The following MAP3K13 variants were observed in gnomAD, a reference collection of about 807,000 sequenced individuals.
MAP3K13 encodes the protein leucine zipper-bearing kinase.
MAP3K13 carries 52 observed loss-of-function variants against 104.0 expected under a neutral mutation model. That is an observed-to-expected ratio of 0.50 (90% CI 0.40 to 0.63). MAP3K13 has a LOEUF of 0.63. MAP3K13 is among the 20% of genes least tolerant of loss of function. The pLI is 0.00. For missense variants in MAP3K13, 914 were observed against 1,218.5 expected (o/e 0.75, Z 3.72); for synonymous variants, 394 against 442.2 (o/e 0.89, Z 1.37).
At chr3:185,389,523 A>T (rs1711908288) in intron 1 of MAP3K13, among the ~76,000 whole-genome samples, 1 of 152,142 alleles carries the variant, frequency 6.6e-6, no homozygotes, top group African/African-American at 2.4e-5. Flanking sequence ...CCATGTAAAA[A>T]AGACTGCCAG....
At chr3:185,465,384 C>T (rs1449043162) in intron 8 of MAP3K13, among the ~76,000 whole-genome samples, 3 of 152,162 alleles carry the variant, frequency 2.0e-5, no homozygotes, top group Non-Finnish European at 2.9e-5. Context: ...GGGTCTGGGC[C>T]GTGGCTAAGT....
chr3:185,341,596 T>G (rs558010119), intron 2 of MAP3K13, among the ~76,000 whole-genome samples: 1 of 152,362 alleles, frequency 6.6e-6, no homozygotes, highest in South Asian at 2.1e-4. Context: ...TTTTAAGGCA[T>G]GTCTAAATTT....
intron 2 of MAP3K13, among the ~76,000 whole-genome samples, chr3:185,329,594 T>C (rs1722170095): frequency 6.6e-6 from 1 of 152,240 alleles, no homozygotes; most frequent in East Asian, 1.9e-4. Flanking sequence ...AGATTTGACA[T>C]CTGTATGGAT....
At position 185,454,986 on chromosome 3, in the gene MAP3K13, G is replaced by A. The variant is rs867451569; in HGVS notation, c.1278+3591G>A. Reference sequence around the variant, plus strand: ...TATGAGATATATATATGATATATATGAGATATATATGATATATATGAGATA... The same window carrying A: ...TATGAGATATATATATGATATATATAAGATATATATGATATATATGAGATA... On this transcript the variant is annotated intron_variant, in intron 7 of 13. Transcript: ENST00000265026. 5.0e-4 allele frequency among the ~76,000 whole-genome samples: 25 copies of A among 49,852 alleles called. 2 individuals carry two copies. The highest frequency in any genetic ancestry group is 8.4e-4 in the Non-Finnish European group (18 of 21,384). 32.7% of individuals were successfully genotyped at this position (49,852 alleles called of 152,430 possible).
Position 185,443,567 on chromosome 3 carries a change from C to T in MAP3K13, c.782C>T (p.Thr261Ile), listed in dbSNP as rs1715442572. Residue 261 changes from threonine (T) to isoleucine (I), a missense_variant, in exon 4 of 14, where the codon ACA (threonine) becomes ATA (isoleucine). Thr to Ile is a moderately conservative substitution (Grantham distance 89). Around this residue, in one of 3 missense-constraint regions of MAP3K13, gnomAD observed 175 missense variants for 321.3 expected, o/e 0.54. Transcript: ENST00000265026. ...ITPRLLVDWS[T>I]GIASGMNYLH... ...CCTCGATTGCTAGTAGACTGGTCCA[C>T]AGGAATTGCAAGTGGAATGAATTAT... is the stretch of plus-strand genomic sequence containing the variant. 1 of 1,614,122 alleles carries T rather than the reference C, an allele frequency of 6.2e-7. No individual in the cohort carries two copies. The highest frequency in any genetic ancestry group is 8.5e-7 in the Non-Finnish European group (1 of 1,179,976).
chr3:185,304,724 C>A (rs1051534636), intron 2 of MAP3K13, among the ~76,000 whole-genome samples: 4 of 152,102 alleles, frequency 2.6e-5, no homozygotes, highest in Non-Finnish European at 5.9e-5. Context: ...ACCTCTGCCT[C>A]CCGGGTTCAA....
In MAP3K13 at chr3:185,441,966, G is replaced by A. The variant is rs1391922440; in HGVS notation, c.660-1479G>A. 9.2e-5 allele frequency among the ~76,000 whole-genome samples: 14 copies of A among 151,830 alleles called. No homozygotes were observed. In the South Asian group the frequency reaches 1.5e-3, roughly 16 times the overall value. ...TGAGACAGGAGAATTGCTTGAACCC[G>A]GGAGGTGGAGGTTGTGGTGAGCCAA... is the stretch of plus-strand genomic sequence containing the variant. On this transcript the variant is annotated intron_variant, in intron 3 of 13. Coordinates refer to ENST00000265026, the MANE Select transcript of MAP3K13 (RefSeq NM_004721.5).
intron 1 of MAP3K13, among the ~76,000 whole-genome samples, chr3:185,366,096 C>T (rs903359447): frequency 6.6e-6 from 1 of 151,340 alleles, no homozygotes; most frequent in African/African-American, 2.4e-5. Flanking sequence ...AGCAGTCACT[C>T]CTCATTTCTC....
chr3:185,320,798 ATT>A (rs1305166384), intron 2 of MAP3K13, among the ~76,000 whole-genome samples: 1 of 151,840 alleles, frequency 6.6e-6, no homozygotes, highest in East Asian at 1.9e-4. Context: ...CCAAATTTGT[ATT>A]TTAATTTATT....
chr3:185,399,626 C>CGGGGCGGGGG (rs1452317066), intron 1 of MAP3K13, among the ~76,000 whole-genome samples: 13 of 312 alleles, frequency 0.042, 4 homozygotes, highest in Admixed American at 0.083. Flanking sequence ...GAGAGAAAGG[C>CGGGGCGGGGG]GGGGGGGGGG....
chr3:185,450,715 A>AC lies in MAP3K13; in HGVS notation c.1170-571dup. On this transcript the variant is annotated intron_variant, in intron 6 of 13. Coordinates refer to ENST00000265026, the MANE Select transcript of MAP3K13 (RefSeq NM_004721.5). This position sits in a 1 kb window ranked among gnomAD's most constrained non-coding sequence, Gnocchi z 4.2. ...TTTGGGAGGCCGAGGTAGGAGGATC[A>AC]CTTGAACCCATGAGTCTGAGATCAG... Among the ~76,000 whole-genome samples, 1 of 152,276 alleles carries AC rather than the reference A, an allele frequency of 6.6e-6. No homozygotes were observed. The highest frequency in any genetic ancestry group is 1.9e-4 in the East Asian group (1 of 5,188).
chr3:185,344,041 G>A (rs1722822271), intron 2 of MAP3K13, among the ~76,000 whole-genome samples: 2 of 152,208 alleles, frequency 1.3e-5, no homozygotes, highest in Non-Finnish European at 2.9e-5. Context: ...TATAAGATAT[G>A]CATGTGTTCA....
At chr3:185,365,951 C>CCCTCCCTCCCTT (rs1553794387) in intron 1 of MAP3K13, among the ~76,000 whole-genome samples, 1 of 69,460 alleles carries the variant, frequency 1.4e-5, no homozygotes, top group Non-Finnish European at 2.5e-5. Flanking sequence ...CTCCCTCCCT[C>CCCTCCCTCCCTT]CCTTCCTTCC....
Position 185,366,163 on chromosome 3 carries a change from C to T in MAP3K13, c.-86+2795C>T, listed in dbSNP as rs114613826. On this transcript the variant is annotated intron_variant, in intron 1 of 13. Transcript: ENST00000265026. ...TGCTTTCTCTATATATAGATTTGCT[C>T]AGTCTGGATATTTCATGTAAATGAA... is the stretch of plus-strand genomic sequence containing the variant. Among the ~76,000 whole-genome samples, 1,045 of 151,670 alleles carry T rather than the reference C, an allele frequency of 6.9e-3. 6 individuals carry two copies. The highest frequency in any genetic ancestry group is 0.011 in the Non-Finnish European group (748 of 67,936).
chr3:185,356,096 A>G (rs1422340260), intron 2 of MAP3K13, among the ~76,000 whole-genome samples: 3 of 150,714 alleles, frequency 2.0e-5, no homozygotes, highest in Non-Finnish European at 4.5e-5. Flanking sequence ...ACAGCTTGCT[A>G]TTGAGAGGAA....
chr3:185,422,896 C>A (rs1216858713), intron 1 of MAP3K13, among the ~76,000 whole-genome samples: 1 of 152,154 alleles, frequency 6.6e-6, no homozygotes, highest in Admixed American at 6.5e-5. Context: ...TACAGCCACT[C>A]CCTGTCACTT....
At chr3:185,378,773 G>A (rs1405318111) in intron 1 of MAP3K13, among the ~76,000 whole-genome samples, 1 of 152,170 alleles carries the variant, frequency 6.6e-6, no homozygotes, top group African/African-American at 2.4e-5. Flanking sequence ...GTAAAAGAAT[G>A]CCTGGATGTC....
intron 1 of MAP3K13, among the ~76,000 whole-genome samples, chr3:185,424,130 G>T (rs554945548): frequency 6.6e-6 from 1 of 152,200 alleles, no homozygotes; most frequent in Non-Finnish European, 1.5e-5. Flanking sequence ...GCCTGGTACA[G>T]GAGAGAATGT....
rs1718572840 is a variant in MAP3K13, at chr3:185,483,505, T to G, written c.*1049T>G. The G allele has an allele frequency of 8.8e-6, 2 of 227,836 alleles. No homozygotes were observed. The highest frequency in any genetic ancestry group is 2.2e-5 in the African/African-American group (1 of 44,968). The allele number at this position is 227,836 out of a possible 1,614,324, so 14.1% of individuals were successfully genotyped here. On this transcript the variant is annotated 3_prime_UTR_variant, in exon 14 of 14. Transcript: ENST00000265026. ...AAAACGAACGTGGAATTTATAAAAC[T>G]CCATTCTCAGGATCACTCAGTTCAG...
Sources: allele counts gnomAD v4.1 joint callset (sites outside exome capture counted in the v4.1 genomes callset), GRCh38; gene constraint gnomAD v4.1.1; regional missense constraint gnomAD v4.1.1; non-coding constraint Gnocchi (gnomAD v3.1); transcripts MANE v1.5; gene names NCBI Gene and HGNC (gene_info 2026-07-23, HGNC 2026-07-21).